TET3: variants seen among roughly 807,000 people sequenced by gnomAD.
TET3 encodes tet methylcytosine dioxygenase 3.
Under a neutral mutation model 141.4 loss-of-function variants are expected in TET3, and 19 were observed. That is an observed-to-expected ratio of 0.13 (90% confidence interval 0.09 to 0.20). TET3 has a LOEUF of 0.20. Among genes scored for constraint, TET3 ranks in the 10% least tolerant of loss-of-function variants. The probability of loss-of-function intolerance (pLI) is 1.00; values close to 1 mark genes in which losing one functional copy is unlikely to be tolerated. For synonymous variants in TET3, 1,043 were observed against 980.9 expected (o/e 1.06, Z -1.18); for missense variants, 1,874 against 2,356.9 (o/e 0.80, Z 4.24).
In TET3 at chr2:74,107,643, A is replaced by T. The variant is rs1298189470; in HGVS notation, c.*5467A>T. On this transcript the variant is annotated 3_prime_UTR_variant, in exon 12 of 12. Transcript: ENST00000409262. ...GTATAATGGCATATTAATACATTAGACTTAATCTAGAACCCCTGTAGCTTT... is the reference window on the plus strand; with the variant it reads ...GTATAATGGCATATTAATACATTAGTCTTAATCTAGAACCCCTGTAGCTTT... 6.6e-6 allele frequency: 1 copy of T among 152,214 alleles called. No individual in the cohort carries two copies. Among genetic ancestry groups the T allele is most frequent in the East Asian group, 1.9e-4 (1 of 5,202 alleles). 9.4% of individuals were successfully genotyped at this position (152,214 alleles called of 1,614,324 possible).
At chr2:74,067,136 C>A (rs946255155) in intron 4 of TET3, among the ~76,000 whole-genome samples, 7 of 152,068 alleles carry the variant, frequency 4.6e-5, no homozygotes, top group African/African-American at 1.7e-4. Flanking sequence ...GCCTTCTCCT[C>A]TCCCCACCTC....
At chr2:74,018,169 G>T (rs549050458) in intron 3 of TET3, among the ~76,000 whole-genome samples, 15 of 152,074 alleles carry the variant, frequency 9.9e-5, no homozygotes, top group African/African-American at 3.1e-4. Flanking sequence ...GCTTCTCCAT[G>T]TTTGTCAGGC....
At chr2:74,090,109 C>A in intron 8 of TET3, 62 bp downstream of exon 8, 1 of 1,595,220 alleles carries the variant, frequency 6.3e-7, no homozygotes. Flanking sequence ...CCTTCATGGT[C>A]CAGCGGGAGG....
At chr2:74,109,758 T>C (rs147093001), downstream of TET3, among the ~76,000 whole-genome samples, 108 of 152,350 alleles carry the variant, frequency 7.1e-4, no homozygotes, top group African/African-American at 2.1e-3. Context: ...TCATTATTCA[T>C]ATTGGGATCT....
At position 74,103,904 on chromosome 2, in the gene TET3, T is replaced by C. The variant is rs1691365816; in HGVS notation, c.*1728T>C. 1 of 153,704 alleles carries C rather than the reference T, an allele frequency of 6.5e-6. No individual in the cohort carries two copies. The allele number at this position is 153,704 out of a possible 1,614,324, so 9.5% of individuals were successfully genotyped here. On this transcript the variant is annotated 3_prime_UTR_variant, in exon 12 of 12. Coordinates refer to ENST00000409262, the MANE Select transcript of TET3 (RefSeq NM_001287491.2). ...TTTACTGAGCAGTTGTATTCAGATA[T>C]GGGTCTTCATGAATCATGTTTAACA...
the TET3 span, among the ~76,000 whole-genome samples, chr2:74,125,825 ATGCCC>A: frequency 6.6e-6 from 1 of 152,170 alleles, no homozygotes; most frequent in Non-Finnish European, 1.5e-5. Context: ...ATGAGCCACC[ATGCCC>A]AGCTGAATGT....
At chr2:74,074,910 C>A (rs997397005) in intron 5 of TET3, among the ~76,000 whole-genome samples, 2 of 151,674 alleles carry the variant, frequency 1.3e-5, no homozygotes, top group Non-Finnish European at 2.9e-5. Context: ...GTCGTGCTGT[C>A]ACCCAGGCTG....
In TET3 at chr2:74,088,052, G is replaced by T. The variant is rs747838956; in HGVS notation, c.2888+14G>T. On this transcript the variant is annotated intron_variant, in intron 7 of 11. Transcript: ENST00000409262. ...CCTCAACGATGAGTATGTAGCAGAG[G>T]GCTTCAGGGCCAGGGCCCACCTATA... 1 of 1,553,190 alleles carries T rather than the reference G, an allele frequency of 6.4e-7. No homozygotes were observed. Among genetic ancestry groups the T allele is most frequent in the Non-Finnish European group, 8.7e-7 (1 of 1,148,182 alleles).
At chr2:74,072,572 T>C (rs903854407) in intron 4 of TET3, among the ~76,000 whole-genome samples, 1 of 152,210 alleles carries the variant, frequency 6.6e-6, no homozygotes, top group Non-Finnish European at 1.5e-5. Context: ...TCAGAACTTC[T>C]TTTATTTAAA....
the TET3 span, among the ~76,000 whole-genome samples, chr2:74,125,892 A>G: frequency 6.6e-6 from 1 of 152,182 alleles, no homozygotes; most frequent in African/African-American, 2.4e-5. Context: ...AAATTTTACC[A>G]TTATTCACTT....
At chr2:74,001,365 C>T (rs1359180490) in intron 2 of TET3, among the ~76,000 whole-genome samples, 2 of 152,178 alleles carry the variant, frequency 1.3e-5, no homozygotes, top group African/African-American at 4.8e-5. Flanking sequence ...GTCACTTCTC[C>T]CTGGCCTCAG....
At position 74,100,916 on chromosome 2, in the gene TET3, C is replaced by T. The variant is rs898243689; in HGVS notation, c.4128C>T (p.His1376=). 1.9e-6 allele frequency: 3 copies of T among 1,610,576 alleles called. No homozygotes were observed. The highest frequency in any genetic ancestry group is 2.7e-5 in the African/African-American group (2 of 74,798). The change falls in exon 12 of 12, where the codon CAC becomes CAT. Residue 1376 remains histidine, a synonymous_variant. Transcript: ENST00000409262. ...EYLLPKAPLL[H]SVSRDPSPFA... ...TGCTTCCCAAGGCCCCCCTACTCCA[C>T]TCAGTGTCCAGGGACCCCTCCCCCT...
At chr2:74,001,742 C>T (rs182289116) in intron 2 of TET3, among the ~76,000 whole-genome samples, 98 of 152,310 alleles carry the variant, frequency 6.4e-4, no homozygotes, top group African/African-American at 2.3e-3. Flanking sequence ...TCCTTTCAGT[C>T]TTCTGATGCA....
At chr2:74,077,650 A>G (rs954236972) in intron 5 of TET3, among the ~76,000 whole-genome samples, 2 of 152,168 alleles carry the variant, frequency 1.3e-5, no homozygotes, top group Admixed American at 6.5e-5. Context: ...TTTTAAGTCT[A>G]GCTGATCAGA....
chr2:74,066,439 T>G (rs748649638), intron 4 of TET3, among the ~76,000 whole-genome samples: 4 of 152,256 alleles, frequency 2.6e-5, no homozygotes, highest in Non-Finnish European at 5.9e-5. Context: ...TTATAGTATC[T>G]GTAATATATA....
In TET3 at chr2:74,107,543, G is replaced by A. The variant is rs1320094712; in HGVS notation, c.*5367G>A. On this transcript the variant is annotated 3_prime_UTR_variant, in exon 12 of 12. Coordinates refer to ENST00000409262, the MANE Select transcript of TET3 (RefSeq NM_001287491.2). ...CAATACCCTTTTTTTTCTTTTGAGG[G>A]GAAAAGAGGGGAGAAAAACAGGAGT... is the stretch of plus-strand genomic sequence containing the variant. The A allele has an allele frequency of 2.0e-5, 3 of 152,012 alleles. No individual in the cohort carries two copies. Among genetic ancestry groups the A allele is most frequent in the Non-Finnish European group, 4.4e-5 (3 of 68,018 alleles). The allele number at this position is 152,012 out of a possible 1,614,324, so 9.4% of individuals were successfully genotyped here.
intron 3 of TET3, among the ~76,000 whole-genome samples, chr2:74,012,459 T>C (rs4422181): frequency 0.3 from 45,366 of 152,148 alleles, 7,528 homozygotes; most frequent in African/African-American, 0.43. Context: ...AAAGTTTTCA[T>C]AGTTCTCTCT....
At chr2:74,007,623 G>GA (rs1186501375) in intron 3 of TET3, among the ~76,000 whole-genome samples, 1 of 152,314 alleles carries the variant, frequency 6.6e-6, no homozygotes, top group East Asian at 1.9e-4. Context: ...AGGAGGGTGA[G>GA]AAGTGCAGTT....
At chr2:74,021,782 A>G (rs1686059001) in intron 3 of TET3, among the ~76,000 whole-genome samples, 1 of 152,194 alleles carries the variant, frequency 6.6e-6, no homozygotes, top group Non-Finnish European at 1.5e-5. Flanking sequence ...ACTAATGTTA[A>G]CAAAAGAGGC....
Sources: allele counts gnomAD v4.1 joint callset (sites outside exome capture counted in the v4.1 genomes callset), GRCh38; gene constraint gnomAD v4.1.1; transcripts MANE v1.5; gene names NCBI Gene and HGNC (gene_info 2026-07-23, HGNC 2026-07-21).